The following PDE4D variants were observed in gnomAD, a reference collection of about 807,000 sequenced individuals.
PDE4D encodes 3',5'-cyclic-AMP phosphodiesterase 4D.
A neutral mutation model predicts 87.4 loss-of-function variants in PDE4D; 24 were observed. That is an observed-to-expected ratio of 0.27 (90% CI 0.20 to 0.39). PDE4D has a LOEUF of 0.39. Among genes scored for constraint, PDE4D ranks in the 10% least tolerant of loss-of-function variants. PDE4D has a pLI of 1.00. For synonymous variants in PDE4D, 384 were observed against 383.2 expected (o/e 1.00, Z -0.02); for missense variants, 714 against 1,041.0 (o/e 0.69, Z 4.32).
chr5:59,412,118 T>C (rs762721349), intron 1 of PDE4D, among the ~76,000 whole-genome samples: 26 of 152,220 alleles, frequency 1.7e-4, no homozygotes, highest in Non-Finnish European at 3.4e-4. Flanking sequence ...TTTTATAGGA[T>C]ACTTTAAAGC....
chr5:59,032,675 T>C (rs1561351902), intron 6 of PDE4D, among the ~76,000 whole-genome samples: 1 of 152,254 alleles, frequency 6.6e-6, no homozygotes, highest in Non-Finnish European at 1.5e-5. Context: ...GTTTTTACAT[T>C]GCAAGAAATA....
At chr5:60,157,891 C>CCCTCCCTT (rs1782124904) in intron 2 of PDE4D, among the ~76,000 whole-genome samples, 1 of 146,742 alleles carries the variant, frequency 6.8e-6, no homozygotes, top group African/African-American at 2.5e-5. Context: ...CCCTTTCTTT[C>CCCTCCCTT]CCTTCCTTCC....
intron 1 of PDE4D, among the ~76,000 whole-genome samples, chr5:59,368,574 C>A (rs1031546618): frequency 6.6e-6 from 1 of 152,132 alleles, no homozygotes; most frequent in Non-Finnish European, 1.5e-5. Context: ...AATGATTCCA[C>A]TGATTTGCAA....
At chr5:59,658,163 A>T (rs1190850615) in intron 1 of PDE4D, among the ~76,000 whole-genome samples, 1 of 152,218 alleles carries the variant, frequency 6.6e-6, no homozygotes, top group African/African-American at 2.4e-5. Flanking sequence ...GCCAGGTATA[A>T]GGATAACAAA....
At position 60,298,151 on chromosome 5, in the gene PDE4D, A is replaced by T. The variant is rs1204977003; in HGVS notation, c.-89-112464T>A. Among the ~76,000 whole-genome samples, 14 of 100,286 alleles carry T rather than the reference A, an allele frequency of 1.4e-4. No individual in the cohort carries two copies. In the East Asian group the frequency reaches 4.1e-3, roughly 30 times the overall value. The allele number at this position is 100,286 out of a possible 152,430, so 65.8% of individuals were successfully genotyped here. On this transcript the variant is annotated intron_variant, in intron 1 of 16. Coordinates refer to the PDE4D transcript ENST00000502484. ...ATCAACAAGCATCTACCAGAAAAAT[A>T]AAAAAAAAAAAGATTACAGGAAAAA...
intron 1 of PDE4D, among the ~76,000 whole-genome samples, chr5:59,280,471 ACTAT>A (rs1373089552): frequency 2.0e-5 from 3 of 152,044 alleles, no homozygotes; most frequent in South Asian, 2.1e-4. Flanking sequence ...CAGAAGAAAA[ACTAT>A]CTAATTTAAA....
chr5:59,059,473 C>T (rs10037978), intron 5 of PDE4D, among the ~76,000 whole-genome samples: 6,374 of 152,236 alleles, frequency 0.042, 453 homozygotes, highest in African/African-American at 0.14. Context: ...ACTCTCTCTA[C>T]GACAAGGTCA....
At chr5:59,731,202 G>A (rs1484067972) in intron 1 of PDE4D, among the ~76,000 whole-genome samples, 1 of 130,270 alleles carries the variant, frequency 7.7e-6, no homozygotes, top group Non-Finnish European at 1.6e-5. Flanking sequence ...TGTCAGAGAG[G>A]GGCAAGGTAG....
chr5:60,489,598 G>C (rs958164934), upstream of PDE4D: 2 of 152,092 alleles, frequency 1.3e-5, no homozygotes, highest in Non-Finnish European at 2.9e-5. Flanking sequence ...GACTAGCCAG[G>C]GAAGAATATT....
intron 2 of PDE4D, among the ~76,000 whole-genome samples, chr5:60,038,723 C>T (rs1276092103): frequency 6.6e-6 from 1 of 151,556 alleles, no homozygotes; most frequent in Non-Finnish European, 1.5e-5. Context: ...CTACAATGAA[C>T]TCAAACAAAT....
At chr5:60,324,560 C>T (rs1484402855) in intron 1 of PDE4D, among the ~76,000 whole-genome samples, 1 of 152,188 alleles carries the variant, frequency 6.6e-6, no homozygotes, top group Non-Finnish European at 1.5e-5. Context: ...ATCACTTGAA[C>T]CCAGGAAGCA....
intron 3 of PDE4D, among the ~76,000 whole-genome samples, chr5:59,978,250 C>A (rs1014979654): frequency 5.3e-5 from 8 of 152,042 alleles, no homozygotes; most frequent in Admixed American, 5.2e-4. Flanking sequence ...CAAAGTAAGT[C>A]GAAAACTTTC....
chr5:59,189,249 T>TTTG (rs1561663524), intron 3 of PDE4D, among the ~76,000 whole-genome samples: 28 of 103,648 alleles, frequency 2.7e-4, no homozygotes, highest in African/African-American at 6.5e-4. Context: ...TTTTTGTTTT[T>TTTG]TTTGTTTTTT....
At chr5:60,440,275 T>C (rs1203860172) in intron 1 of PDE4D, among the ~76,000 whole-genome samples, 2 of 152,162 alleles carry the variant, frequency 1.3e-5, no homozygotes, top group Non-Finnish European at 2.9e-5. Flanking sequence ...CCCTTCCTTC[T>C]ATATTCATTC....
intron 2 of PDE4D, among the ~76,000 whole-genome samples, chr5:59,213,498 C>CT (rs1750543383): frequency 1.3e-5 from 2 of 152,148 alleles, no homozygotes; most frequent in Non-Finnish European, 2.9e-5. Flanking sequence ...TTTAAACCCT[C>CT]TTTCCCCTTG....
intron 1 of PDE4D, among the ~76,000 whole-genome samples, chr5:59,276,553 T>G (rs975088138): frequency 1.3e-5 from 2 of 152,062 alleles, no homozygotes; most frequent in African/African-American, 4.8e-5. Flanking sequence ...GAGATGTAAA[T>G]TACCTCTTAA....
intron 2 of PDE4D, among the ~76,000 whole-genome samples, chr5:60,081,785 C>T (rs1222277578): frequency 1.3e-5 from 2 of 152,078 alleles, no homozygotes; most frequent in Non-Finnish European, 2.9e-5. Flanking sequence ...TCTCTTCTGG[C>T]TTGTGGAGTT....
intron 1 of PDE4D, among the ~76,000 whole-genome samples, chr5:59,470,723 A>C (rs1802310957): frequency 1.3e-5 from 2 of 152,164 alleles, no homozygotes; most frequent in South Asian, 4.1e-4. Flanking sequence ...TGCTTTAGAC[A>C]TTTAGAAATA....
At chr5:60,105,995 T>C (rs1011906809) in intron 2 of PDE4D, among the ~76,000 whole-genome samples, 8 of 152,248 alleles carry the variant, frequency 5.3e-5, no homozygotes, top group African/African-American at 1.9e-4. Context: ...AGGATCAACT[T>C]CACACATAAC....
Sources: gnomAD v4.1 joint callset for allele counts (sites outside exome capture counted in the v4.1 genomes callset) on GRCh38, gnomAD v4.1.1 for gene constraint, MANE v1.5 for transcripts, NCBI Gene and HGNC (gene_info 2026-07-23, HGNC 2026-07-21) for gene names.